Variants in PLG observed in about 807,000 individuals in gnomAD.
PLG encodes plasmin.
PLG carries 41 observed loss-of-function variants against 104.4 expected under a neutral mutation model. The observed-to-expected ratio is 0.39, with a 90% CI of 0.31 to 0.51. PLG has a LOEUF of 0.51. PLG is among the 20% of genes least tolerant of loss of function. The pLI is 0.76. For synonymous variants in PLG, 337 were observed against 357.1 expected (o/e 0.94, Z 0.63); for missense variants, 891 against 1,003.6 (o/e 0.89, Z 1.52).
chr6:160,738,641 T>A lies in PLG; in HGVS notation c.1877+29T>A. The A allele has an allele frequency of 1.4e-6, 2 of 1,396,590 alleles. No individual in the cohort carries two copies. Among genetic ancestry groups the A allele is most frequent in the Non-Finnish European group, 1.0e-6 (1 of 981,332 alleles). The allele number at this position is 1,396,590 out of a possible 1,614,324, so 86.5% of individuals were successfully genotyped here. ...TGTTTAGGGGACAATTGACATGAAG[T>A]CTTGTCTTAAATACTTTTTCTGTCC... On this transcript the variant is annotated intron_variant, in intron 15 of 18. Transcript: ENST00000308192. This position sits in a 1 kb window ranked among gnomAD's most constrained non-coding sequence, Gnocchi z 6.8.
In PLG at chr6:160,738,697, C is replaced by A. The variant is rs1484305718; in HGVS notation, c.1877+85C>A. The A allele has an allele frequency of 3.2e-6, 3 of 937,952 alleles. No individual in the cohort carries two copies. Among genetic ancestry groups the A allele is most frequent in the Non-Finnish European group, 5.3e-6 (3 of 566,658 alleles). The allele number at this position is 937,952 out of a possible 1,614,324, so 58.1% of individuals were successfully genotyped here. On this transcript the variant is annotated intron_variant, in intron 15 of 18. Transcript: ENST00000308192. This position sits in a 1 kb window ranked among gnomAD's most constrained non-coding sequence, Gnocchi z 6.8. ...TTCCTCCTTTCCTCCTTTCCTTTCT[C>A]ACTCTTCCTCCCTTCCTTCTCTGGC...
chr6:160,728,443 G>C (rs1160118594), intron 10 of PLG, among the ~76,000 whole-genome samples: 1 of 7,842 alleles, frequency 1.3e-4, no homozygotes, highest in African/African-American at 8.1e-4. Context: ...GTATATGCTA[G>C]AATCACAAGG....
At chr6:160,718,205 T>G (rs1777773297) in intron 7 of PLG, 89 bp from the exon 8 acceptor site, 1 of 1,115,428 alleles carries the variant, frequency 9.0e-7, no homozygotes, top group African/African-American at 1.5e-5. Flanking sequence ...TGAGCTGAGA[T>G]CGTGCCACTG....
rs560243215 is a variant in PLG at position 160,709,997 on chromosome 6, A to G, written c.293-1080A>G. On this transcript the variant is annotated intron_variant, in intron 3 of 18. Transcript: ENST00000308192. The stretch of plus-strand genomic sequence containing the variant: ...GCTTTTCTTCTTCGAATATGGGGTC[A>G]CCAGTAGAAGGTCTCTGGTGTATTT... 2.0e-5 allele frequency among the ~76,000 whole-genome samples: 3 copies of G among 152,350 alleles called. No homozygotes were observed. The East Asian group carries it at 5.8e-4, about 29-fold the overall frequency.
In PLG at chr6:160,752,244, G is replaced by A. The variant is rs771304689; in HGVS notation, c.2255G>A (p.Gly752Asp). 1.9e-6 allele frequency: 3 copies of A among 1,614,058 alleles called. No individual in the cohort carries two copies. Among genetic ancestry groups the A allele is most frequent in the Non-Finnish European group, 1.7e-6 (2 of 1,179,936 alleles). ...TELCAGHLAG[G>D]TDSCQGDSGG... ...CTCTGTGCTGGGCATTTGGCCGGAGGCACTGACAGTTGCCAGGTAAGCAAA... is the reference window on the plus strand; with the variant it reads ...CTCTGTGCTGGGCATTTGGCCGGAGACACTGACAGTTGCCAGGTAAGCAAA... Residue 752 changes from glycine to aspartate, a missense_variant, in exon 18 of 19, where the codon GGC becomes GAC. This residue lies in a region of PLG where 854 missense variants were observed against 932.1 expected (regional missense o/e 0.92). Coordinates refer to ENST00000308192, the MANE Select transcript of PLG (RefSeq NM_000301.5). This position sits in a 1 kb window ranked among gnomAD's most constrained non-coding sequence, Gnocchi z 4.7.
At chr6:160,711,769 C>G (rs1243898277) in intron 4 of PLG, 2 of 1,596,762 alleles carry the variant, frequency 1.3e-6, no homozygotes, top group African/African-American at 2.7e-5. Flanking sequence ...TCAAAGATGA[C>G]TATGTTTGGG....
chr6:160,706,441 C>A lies in PLG; in HGVS notation c.84C>A (p.Thr28=), dbSNP rs776968748. 6.2e-6 allele frequency: 10 copies of A among 1,613,460 alleles called. No homozygotes were observed. The African/African-American group carries it at 1.3e-4, about 22-fold the overall frequency. Reference sequence around the variant, plus strand: ...AGCCTCTGGATGACTATGTGAATACCCAGGGGGCTTCACTGTTCAGTGTCA... The same window carrying A: ...AGCCTCTGGATGACTATGTGAATACACAGGGGGCTTCACTGTTCAGTGTCA... ...QGEPLDDYVN[T]QGASLFSVTK... Residue 28 remains threonine (T), a synonymous_variant, in exon 2 of 19, where the codon ACC becomes ACA. Coordinates refer to ENST00000308192, the MANE Select transcript of PLG (RefSeq NM_000301.5).
rs536330703 is a variant in PLG, at chr6:160,744,403, C to A, written c.2125+2986C>A. Among the ~76,000 whole-genome samples, 16 of 152,182 alleles carry A rather than the reference C, an allele frequency of 1.1e-4. 1 individual carries two copies. Among genetic ancestry groups the A allele is most frequent in the Admixed American group, 9.2e-4 (14 of 15,284 alleles). Reference sequence around the variant, plus strand: ...TCAGTCTTGGGAGGGTGTATGTGTCCAGGAATTTATCCATCTCTTTTAGGT... The same window carrying A: ...TCAGTCTTGGGAGGGTGTATGTGTCAAGGAATTTATCCATCTCTTTTAGGT... On this transcript the variant is annotated intron_variant, in intron 17 of 18. Coordinates refer to ENST00000308192, the MANE Select transcript of PLG (RefSeq NM_000301.5). The surrounding 1 kb of genome is among the most constrained non-coding windows in gnomAD (Gnocchi z 4.5).
rs1778170915 is a variant in PLG at position 160,740,418 on chromosome 6, G to A, written c.2019-893G>A. ...AATTTGGAAATTTTGGGTTTTGGAG[G>A]AGTTCTCTGATAGGCTGATACATTT... On this transcript the variant is annotated intron_variant, in intron 16 of 18. Coordinates refer to ENST00000308192, the MANE Select transcript of PLG (RefSeq NM_000301.5). This position sits in a 1 kb window ranked among gnomAD's most constrained non-coding sequence, Gnocchi z 5.2. 1.3e-5 allele frequency among the ~76,000 whole-genome samples: 2 copies of A among 152,264 alleles called. No homozygotes were observed. The highest frequency in any genetic ancestry group is 3.4e-3 in the Middle Eastern group (1 of 294).
At chr6:160,711,234 T>A in intron 4 of PLG, 43 bp downstream of exon 4, 1 of 1,587,856 alleles carries the variant, frequency 6.3e-7, no homozygotes, top group Non-Finnish European at 8.6e-7. Flanking sequence ...TACTGTAAAG[T>A]TGTCCCTCTG....
chr6:160,718,727 G>T lies in PLG; in HGVS notation c.985G>T (p.Gly329Ter). The change falls in exon 9 of 19, where the codon GGA becomes TGA. Residue 329 changes from glycine to a stop codon, truncating the protein, a stop_gained. Coordinates refer to ENST00000308192, the MANE Select transcript of PLG (RefSeq NM_000301.5). LOFTEE classifies it high-confidence loss of function. ...TGAAAACTACTGCCGCAATCCTGACGGAAAAAGGGCCCCATGGTGCCATAC... is the reference window on the plus strand; with the variant it reads ...TGAAAACTACTGCCGCAATCCTGACTGAAAAAGGGCCCCATGGTGCCATAC... Reference protein sequence around the residue: ...LDENYCRNPDGKRAPWCHTTN... With the variant: ...LDENYCRNPD 1 of 1,613,890 alleles carries T rather than the reference G, an allele frequency of 6.2e-7. No homozygotes were observed. Among genetic ancestry groups the T allele is most frequent in the Non-Finnish European group, 8.5e-7 (1 of 1,179,870 alleles).
At chr6:160,749,306 TC>T in intron 17 of PLG, among the ~76,000 whole-genome samples, 1 of 152,040 alleles carries the variant, frequency 6.6e-6, no homozygotes, top group East Asian at 1.9e-4. Context: ...ACCATCATCA[TC>T]CCCACCAACA....
At chr6:160,727,331 G>C (rs1305541417) in intron 10 of PLG, among the ~76,000 whole-genome samples, 1 of 150,564 alleles carries the variant, frequency 6.6e-6, no homozygotes, top group Non-Finnish European at 1.5e-5. Context: ...ACTTCCCACA[G>C]AGAACACTCT....
At chr6:160,712,541 C>T (rs1485079613) in intron 4 of PLG, among the ~76,000 whole-genome samples, 2 of 152,138 alleles carry the variant, frequency 1.3e-5, no homozygotes, top group Non-Finnish European at 2.9e-5. Context: ...TAACACCTTC[C>T]TCAAATGGTT....
At chr6:160,704,277 C>T (rs185384729) in intron 1 of PLG, among the ~76,000 whole-genome samples, 2 of 152,320 alleles carry the variant, frequency 1.3e-5, no homozygotes, top group East Asian at 3.9e-4. Flanking sequence ...AAGTTTGATT[C>T]TGTTTTGGGA....
rs1777911366 is a variant in PLG at position 160,725,741 on chromosome 6, C to A, written c.1256+3174C>A. ...ATACATGCTCTTTAATTGTAAAGAG[C>A]TAGTCCAAAAACCAAGTGTGGAAAA... On this transcript the variant is annotated intron_variant, in intron 10 of 18. Coordinates refer to ENST00000308192, the MANE Select transcript of PLG (RefSeq NM_000301.5). This position sits in a 1 kb window ranked among gnomAD's most constrained non-coding sequence, Gnocchi z 6.3. Among the ~76,000 whole-genome samples, 1 of 152,016 alleles carries A rather than the reference C, an allele frequency of 6.6e-6. No individual in the cohort carries two copies. Among genetic ancestry groups the A allele is most frequent in the South Asian group, 2.1e-4 (1 of 4,828 alleles).
Position 160,751,174 on chromosome 6 carries a change from T to C in PLG, c.2126-941T>C, listed in dbSNP as rs375801824. 4.6e-4 allele frequency among the ~76,000 whole-genome samples: 70 copies of C among 152,318 alleles called. 3 individuals carry two copies. The South Asian group carries it at 0.014, about 30-fold the overall frequency. ...GCAACGTTATTGGGAGACAGAAATA[T>C]GTCTATGTAATTTATGGGAACTTAG... On this transcript the variant is annotated intron_variant, in intron 17 of 18. Coordinates refer to ENST00000308192, the MANE Select transcript of PLG (RefSeq NM_000301.5).
intron 2 of PLG, among the ~76,000 whole-genome samples, chr6:160,706,750 G>A (rs1777536076): frequency 6.6e-6 from 1 of 152,152 alleles, no homozygotes; most frequent in Admixed American, 6.5e-5. Flanking sequence ...CTCAAAGGAA[G>A]TTATTTGTTT....
intron 17 of PLG, among the ~76,000 whole-genome samples, chr6:160,748,899 T>C (rs754745324): frequency 6.6e-6 from 1 of 152,198 alleles, no homozygotes; most frequent in Non-Finnish European, 1.5e-5. Flanking sequence ...GTCGAACTTG[T>C]GTCACCAGCC....
Sources: gnomAD v4.1 joint callset for allele counts (sites outside exome capture counted in the v4.1 genomes callset) on GRCh38, gnomAD v4.1.1 for gene constraint, gnomAD v4.1.1 regional missense constraint, Gnocchi (gnomAD v3.1) non-coding constraint, MANE v1.5 for transcripts, NCBI Gene and HGNC (gene_info 2026-07-23, HGNC 2026-07-21) for gene names.